CNR2: variants seen among roughly 807,000 people sequenced by gnomAD.
The protein encoded by CNR2 is cannabinoid receptor 2 (macrophage).
For missense variants in CNR2, 379 were observed against 439.9 expected, an observed-to-expected ratio of 0.86 and a Z score of 1.24; for synonymous variants, 172 against 182.2, an observed-to-expected ratio of 0.94 and a Z score of 0.45.
rs16828999 is a variant in CNR2, at chr1:23,906,059, G to A, written c.-46+7187C>T. Among the ~76,000 whole-genome samples the A allele has an allele frequency of 9.1e-3, 1,380 of 152,162 alleles. 16 individuals carry two copies. Among genetic ancestry groups the A allele is most frequent in the African/African-American group, 0.028 (1,150 of 41,484 alleles). On this transcript the variant is annotated intron_variant, in intron 1 of 1. Transcript: ENST00000374472. ...CTCAGTTGGTCCTGAACTTACCCTC[G>A]GAACCAACTGAGAATAAGGAGGAAA... is the stretch of plus-strand genomic sequence containing the variant.
chr1:23,875,698 C>T, intron 1 of CNR2, 36 bp from the exon 2 acceptor site: 2 of 1,488,302 alleles, frequency 1.3e-6, no homozygotes, highest in Non-Finnish European at 1.8e-6. Flanking sequence ...TAATCTTTTT[C>T]AGTAAGCACA....
In CNR2 at chr1:23,875,052, T is replaced by C; in HGVS notation, c.566A>G (p.Asp189Gly). The C allele has an allele frequency of 6.2e-7, 1 of 1,604,250 alleles. No homozygotes were observed. The change falls in exon 2 of 2, where the codon GAC (aspartate) becomes GGC (glycine). Residue 189 changes from aspartate (D) to glycine (G), a missense_variant. Physicochemically the swap from Asp to Gly is moderately conservative, Grantham distance 94 (BLOSUM62 -1). Coordinates refer to ENST00000374472, the MANE Select transcript of CNR2 (RefSeq NM_001841.3). ...CSELFPLIPN[D>G]YLLSWLLFIA... ...GAACAGGAGCCAGCTCAGCAGGTAG[T>C]CATTGGGGATCAGTGGGAAAAGCTC...
Position 23,875,441 on chromosome 1 carries a change from C to G in CNR2, c.177G>C (p.Leu59=), listed in dbSNP as rs1639857524. ...LENVAVLYLI[L]SSHQLRRKPS... is the part of the protein sequence containing the mutation. ...GCTTCCGGCGGAGTTGGTGGGAGGA[C>G]AGGATCAGATAGAGCACAGCCACGT... The change falls in exon 2 of 2, where the codon CTG becomes CTC. Residue 59 remains leucine (L), a synonymous_variant. Transcript: ENST00000374472. The G allele has an allele frequency of 1.2e-6, 2 of 1,614,222 alleles. No homozygotes were observed. Among genetic ancestry groups the G allele is most frequent in the Non-Finnish European group, 1.7e-6 (2 of 1,180,038 alleles).
intron 1 of CNR2, among the ~76,000 whole-genome samples, chr1:23,908,271 G>A (rs1640531373): frequency 6.6e-6 from 1 of 152,066 alleles, no homozygotes; most frequent in Non-Finnish European, 1.5e-5. Flanking sequence ...GAGCCACCGT[G>A]CCTGGCCAAC....
intron 1 of CNR2, among the ~76,000 whole-genome samples, chr1:23,889,045 CA>C (rs1640140836): frequency 6.6e-6 from 1 of 152,078 alleles, no homozygotes; most frequent in Non-Finnish European, 1.5e-5. Context: ...CTTCACCTAA[CA>C]AAAATACCAC....
chr1:23,884,254 A>G (rs1185226720), intron 1 of CNR2, among the ~76,000 whole-genome samples: 5 of 109,124 alleles, frequency 4.6e-5, no homozygotes, highest in African/African-American at 1.7e-4. Context: ...TAATTTTTGT[A>G]TTTTTAGTAG....
At position 23,890,877 on chromosome 1, in the gene CNR2, TCTTC is replaced by T. The variant is rs1388388231; in HGVS notation, c.-45-15219_-45-15216del. On this transcript the variant is annotated intron_variant, in intron 1 of 1. Transcript: ENST00000374472. Reference sequence around the variant, plus strand: ...TCTCTTAGTCCCCCTCTGGTCTTCTTCTTCTTTTTTTTTTTTTTGAATACAGATT... The same window carrying T: ...TCTCTTAGTCCCCCTCTGGTCTTCTTTTTTTTTTTTTTTTGAATACAGATT... Among the ~76,000 whole-genome samples, 56 of 36,934 alleles carry T rather than the reference TCTTC, an allele frequency of 1.5e-3. 1 individual carries two copies. The highest frequency in any genetic ancestry group is 5.0e-3 in the African/African-American group (54 of 10,894). 24.2% of individuals were successfully genotyped at this position (36,934 alleles called of 152,430 possible).
In CNR2 at chr1:23,880,185, C is replaced by CTTTTTT. The variant is rs142971648; in HGVS notation, c.-45-4529_-45-4524dup. On this transcript the variant is annotated intron_variant, in intron 1 of 1. Transcript: ENST00000374472. ...CCCTAACTCATCCCAACTTCCAACT[C>CTTTTTT]TTTTTTTTTTGAGACGGAGTCTCAC... Among the ~76,000 whole-genome samples the CTTTTTT allele has an allele frequency of 5.4e-5, 7 of 128,740 alleles. 2 individuals are homozygous for CTTTTTT. The highest frequency in any genetic ancestry group is 1.6e-5 in the Non-Finnish European group (1 of 63,106). 84.5% of individuals were successfully genotyped at this position (128,740 alleles called of 152,430 possible). A position where few individuals can be genotyped will look rare whatever the true frequency, so the allele number is the denominator to read the frequency against.
At chr1:23,890,015 A>G (rs1353077760) in intron 1 of CNR2, among the ~76,000 whole-genome samples, 5 of 152,044 alleles carry the variant, frequency 3.3e-5, no homozygotes, top group African/African-American at 1.2e-4. Flanking sequence ...TCTGCCTGTA[A>G]TCCCAGCACT....
intron 1 of CNR2, among the ~76,000 whole-genome samples, chr1:23,883,944 G>A (rs1249484297): frequency 6.6e-6 from 1 of 152,152 alleles, no homozygotes; most frequent in Non-Finnish European, 1.5e-5. Flanking sequence ...AGATAAAAGT[G>A]AAGAGAACTT....
chr1:23,911,518 G>A (rs1259653044), intron 1 of CNR2, among the ~76,000 whole-genome samples: 1 of 152,174 alleles, frequency 6.6e-6, no homozygotes, highest in African/African-American at 2.4e-5. Context: ...GGGGATGGGA[G>A]TGAGGGAAGC....
At chr1:23,903,110 G>C (rs934952923) in intron 1 of CNR2, among the ~76,000 whole-genome samples, 4 of 151,900 alleles carry the variant, frequency 2.6e-5, no homozygotes, top group Non-Finnish European at 5.9e-5. Flanking sequence ...TGCGACCCGC[G>C]GGGCTGCCAC....
At position 23,874,715 on chromosome 1, in the gene CNR2, T is replaced by C. The variant is rs1557521004; in HGVS notation, c.903A>G (p.Leu301=). ...CAGAGGAGCGGATCTCTCCACTCCGTAGAGCATAGATGACAGGGTTGACCA... is the reference window on the plus strand; with the variant it reads ...CAGAGGAGCGGATCTCTCCACTCCGCAGAGCATAGATGACAGGGTTGACCA... ...NSMVNPVIYA[L]RSGEIRSSAH... Residue 301 remains leucine (L), a synonymous_variant, in exon 2 of 2, where the codon CTA becomes CTG. Coordinates refer to ENST00000374472, the MANE Select transcript of CNR2 (RefSeq NM_001841.3). The C allele has an allele frequency of 6.2e-7, 1 of 1,614,128 alleles. No individual in the cohort carries two copies. The highest frequency in any genetic ancestry group is 2.2e-5 in the East Asian group (1 of 44,880).
chr1:23,910,718 A>C (rs987847852), intron 1 of CNR2, among the ~76,000 whole-genome samples: 1 of 151,896 alleles, frequency 6.6e-6, no homozygotes, highest in Non-Finnish European at 1.5e-5. Flanking sequence ...AAAACAAAAA[A>C]CAAAAAACAA....
At chr1:23,903,487 C>T (rs150312206) in intron 1 of CNR2, among the ~76,000 whole-genome samples, 88 of 151,258 alleles carry the variant, frequency 5.8e-4, no homozygotes, top group African/African-American at 2.1e-3. Context: ...GGTGGGAGGA[C>T]CACTTGAGCC....
rs1106 is a variant in CNR2, at chr1:23,874,282, C to G, written c.*253G>C. 0.61 allele frequency: 278,752 copies of G among 457,980 alleles called. 86,250 individuals are homozygous for G. The highest frequency in any genetic ancestry group is 0.76 in the African/African-American group (38,629 of 51,090). The allele number at this position is 457,980 out of a possible 1,614,324, so 28.4% of individuals were successfully genotyped here. ...TGAAGCCTGACCTGACTTGTACTGA[C>G]CCTGTCCCAGGCCTTTTGTGTCTCG... On this transcript the variant is annotated 3_prime_UTR_variant, in exon 2 of 2. Coordinates refer to ENST00000374472, the MANE Select transcript of CNR2 (RefSeq NM_001841.3).
Position 23,871,154 on chromosome 1 carries a change from C to CAAAAAAAAAAAAAAAAAAAAAA in CNR2, c.*3359_*3380dup, listed in dbSNP as rs34781596. On this transcript the variant is annotated 3_prime_UTR_variant, in exon 2 of 2. Transcript: ENST00000374472. ...TGGGTGACAGAGTGAGATTCTATGT[C>CAAAAAAAAAAAAAAAAAAAAAA]AAAAAAAAAAAAAAAAAAAAAAAAA... 1.7e-5 allele frequency: 1 copy of CAAAAAAAAAAAAAAAAAAAAAA among 58,770 alleles called. No homozygotes were observed. Among genetic ancestry groups the CAAAAAAAAAAAAAAAAAAAAAA allele is most frequent in the Non-Finnish European group, 3.0e-5 (1 of 33,496 alleles). 3.6% of individuals were successfully genotyped at this position (58,770 alleles called of 1,614,324 possible).
rs868220540 is a variant in CNR2 at position 23,875,027 on chromosome 1, G to A, written c.591C>T (p.Phe197=). The A allele has an allele frequency of 3.1e-6, 5 of 1,608,704 alleles. No individual in the cohort carries two copies. Among genetic ancestry groups the A allele is most frequent in the African/African-American group, 1.3e-5 (1 of 74,782 alleles). ...TGATTCCGGAAAAGAGGAAGGCGAT[G>A]AACAGGAGCCAGCTCAGCAGGTAGT... ...PNDYLLSWLL[F]IAFLFSGIIY... Residue 197 remains phenylalanine, a synonymous_variant, in exon 2 of 2, where the codon TTC becomes TTT. Coordinates refer to ENST00000374472, the MANE Select transcript of CNR2 (RefSeq NM_001841.3).
At chr1:23,897,620 C>G (rs1307958793) in intron 1 of CNR2, among the ~76,000 whole-genome samples, 1 of 151,684 alleles carries the variant, frequency 6.6e-6, no homozygotes, top group Non-Finnish European at 1.5e-5. Context: ...GACCACCACA[C>G]CTGGCTAATT....
Sources: gnomAD v4.1 joint callset for allele counts (sites outside exome capture counted in the v4.1 genomes callset) on GRCh38, gnomAD v4.1.1 for gene constraint, MANE v1.5 for transcripts, NCBI Gene and HGNC (gene_info 2026-07-23, HGNC 2026-07-21) for gene names.